Variants in ACACB observed in about 807,000 individuals in gnomAD.
The protein encoded by ACACB is acetyl-CoA carboxylase 2.
A neutral mutation model predicts 278.8 loss-of-function variants in ACACB; 209 were observed. The ratio of observed to expected loss-of-function variants is 0.75; its 90% CI spans 0.67 to 0.84. The LOEUF is 0.84. ACACB is among the 40% of genes least tolerant of loss of function. ACACB has a pLI of 0.00. For missense variants in ACACB, 2,850 were observed against 3,269.0 expected, an observed-to-expected ratio of 0.87 and a Z score of 3.13; for synonymous variants, 1,174 against 1,285.6, an observed-to-expected ratio of 0.91 and a Z score of 1.86.
At chr12:109,211,311 G>A (rs1267518248) in intron 21 of ACACB, among the ~76,000 whole-genome samples, 1 of 150,808 alleles carries the variant, frequency 6.6e-6, no homozygotes, top group Non-Finnish European at 1.5e-5. Flanking sequence ...AAATAAGCCA[G>A]GCACAAAAGA....
chr12:109,188,931 T>C (rs1005027962), intron 13 of ACACB, among the ~76,000 whole-genome samples: 1 of 152,206 alleles, frequency 6.6e-6, no homozygotes, highest in African/African-American at 2.4e-5. Flanking sequence ...CACCGAAGAC[T>C]AAATTTTAAG....
At chr12:109,187,160 G>A (rs2044690993) in intron 12 of ACACB, among the ~76,000 whole-genome samples, 1 of 151,700 alleles carries the variant, frequency 6.6e-6, no homozygotes, top group Admixed American at 6.6e-5. Flanking sequence ...GAGGGAAGGA[G>A]GAAGGAAGGA....
chr12:109,233,986 G>T lies in ACACB; in HGVS notation c.4288G>T (p.Ala1430Ser). 1.9e-6 allele frequency: 3 copies of T among 1,614,136 alleles called. No individual in the cohort carries two copies. The highest frequency in any genetic ancestry group is 1.3e-5 in the African/African-American group (1 of 75,056). The change falls in exon 31 of 53, where the codon GCA (alanine) becomes TCA (serine). Residue 1430 changes from alanine (A) to serine (S), a missense_variant. Transcript: ENST00000338432. The stretch of plus-strand genomic sequence containing the variant: ...CATTCTGAATGTGTCCATCCAGTGT[G>T]CAGACCACCTGGAGGATGAGGCACT... ...IHILNVSIQC[A>S]DHLEDEALVP...
At chr12:109,246,043 T>C in intron 38 of ACACB, 136 bp from the exon 39 acceptor site, 3 of 1,083,780 alleles carry the variant, frequency 2.8e-6, no homozygotes, top group Admixed American at 5.8e-5. Flanking sequence ...TGAGCTGTGA[T>C]TGCACCACTG....
chr12:109,227,639 A>G (rs1193911958), intron 28 of ACACB, 150 bp downstream of exon 28: 2 of 696,558 alleles, frequency 2.9e-6, no homozygotes, highest in Non-Finnish European at 4.9e-6. Context: ...AGCTCCCTGC[A>G]GCGCCATTTT....
rs746633480 is a variant in ACACB, at chr12:109,264,259, G to T, written c.6815G>T (p.Arg2272Leu). ...LGEPDLSDKDRKDLEGRLKAR... is the reference protein window; with the variant it reads ...LGEPDLSDKDLKDLEGRLKAR... ...GAACCTGATCTCTCCGACAAGGACCGAAAGGACCTGGAGGGCCGGCTAAAG... is the reference window on the plus strand; with the variant it reads ...GAACCTGATCTCTCCGACAAGGACCTAAAGGACCTGGAGGGCCGGCTAAAG... Residue 2272 changes from arginine to leucine, a missense_variant, in exon 50 of 53, where the codon CGA becomes CTA. Physicochemically the swap from Arg to Leu is moderately radical, Grantham distance 102 (BLOSUM62 -2). This residue lies in a region of ACACB where 579 missense variants were observed against 684.6 expected (regional missense o/e 0.85). Coordinates refer to ENST00000338432, the MANE Select transcript of ACACB (RefSeq NM_001093.4). 3 of 1,614,088 alleles carry T rather than the reference G, an allele frequency of 1.9e-6. No homozygotes were observed. The South Asian group carries it at 3.3e-5, about 18-fold the overall frequency.
chr12:109,154,736 AC>A, intron 2 of ACACB: 1 of 152,530 alleles, frequency 6.6e-6, no homozygotes. Flanking sequence ...CTGCAGCAGA[AC>A]CCCGCCCGCG....
chr12:109,237,449 T>G, intron 34 of ACACB, 69 bp downstream of exon 34: 2 of 1,478,004 alleles, frequency 1.4e-6, no homozygotes, highest in Admixed American at 2.0e-5. Context: ...TCCTGCTCTG[T>G]GCTGGGTCCT....
chr12:109,185,776 A>T, intron 12 of ACACB, 36 bp downstream of exon 12: 1 of 1,577,292 alleles, frequency 6.3e-7, no homozygotes, highest in Non-Finnish European at 8.6e-7. Context: ...CCACCATCTC[A>T]GATCTCCCAG....
chr12:109,113,914 T>A (rs1456604994), upstream of ACACB, among the ~76,000 whole-genome samples: 3 of 152,250 alleles, frequency 2.0e-5, no homozygotes, highest in Non-Finnish European at 4.4e-5. Context: ...TTTAGAGTCC[T>A]TCTGACACTG....
At chr12:109,167,869 C>T (rs765627578) in intron 3 of ACACB, 27 bp from the exon 4 acceptor site, 6 of 1,613,640 alleles carry the variant, frequency 3.7e-6, no homozygotes, top group East Asian at 2.2e-5. Flanking sequence ...TGTGCATCTA[C>T]AGCTCCTTCC....
At chr12:109,257,329 A>T (rs2047254368) in intron 45 of ACACB, among the ~76,000 whole-genome samples, 1 of 151,998 alleles carries the variant, frequency 6.6e-6, no homozygotes, top group African/African-American at 2.4e-5. Context: ...TAAAAAAAAA[A>T]AAATCCACTC....
At chr12:109,191,078 G>A in intron 13 of ACACB, among the ~76,000 whole-genome samples, 1 of 152,126 alleles carries the variant, frequency 6.6e-6, no homozygotes, top group Non-Finnish European at 1.5e-5. Flanking sequence ...ATGAAGTCAG[G>A]GCTATTTCCC....
intron 7 of ACACB, 46 bp from the exon 8 acceptor site, chr12:109,175,885 T>C: frequency 6.4e-7 from 1 of 1,562,460 alleles, no homozygotes; most frequent in Non-Finnish European, 8.8e-7. Context: ...GTTGTGTGTG[T>C]TTCTCCTGGA....
chr12:109,159,815 C>T (rs538677947), intron 2 of ACACB, among the ~76,000 whole-genome samples: 1 of 152,056 alleles, frequency 6.6e-6, no homozygotes, highest in East Asian at 1.9e-4. Flanking sequence ...CAGGGCTGGG[C>T]GCGGTGGCTC....
In ACACB at chr12:109,267,095, G is replaced by A. The variant is rs546153716; in HGVS notation, c.*733G>A. 5.9e-5 allele frequency: 9 copies of A among 152,072 alleles called. No individual in the cohort carries two copies. The highest frequency in any genetic ancestry group is 2.2e-4 in the African/African-American group (9 of 41,480). 9.4% of individuals were successfully genotyped at this position (152,072 alleles called of 1,614,324 possible). ...AGAGTTTCACCAGGTTGGTCAGGCT[G>A]GTCTCAAACTCTTGACTTCAGGTAA... On this transcript the variant is annotated 3_prime_UTR_variant, in exon 53 of 53. Transcript: ENST00000338432.
intron 37 of ACACB, among the ~76,000 whole-genome samples, chr12:109,244,403 T>C (rs1396414980): frequency 6.6e-6 from 1 of 152,114 alleles, no homozygotes; most frequent in African/African-American, 2.4e-5. Flanking sequence ...ATAAGAATAA[T>C]AACAGTACCT....
intron 1 of ACACB, among the ~76,000 whole-genome samples, chr12:109,124,974 A>G (rs889862574): frequency 4.6e-5 from 7 of 152,138 alleles, no homozygotes; most frequent in African/African-American, 1.7e-4. Flanking sequence ...TTGGCCTTCC[A>G]AAGAGCTGGC....
chr12:109,129,176 G>T (rs2042758256), intron 1 of ACACB, among the ~76,000 whole-genome samples: 1 of 152,170 alleles, frequency 6.6e-6, no homozygotes, highest in East Asian at 1.9e-4. Flanking sequence ...AAACAAGGTA[G>T]TGACCGTGAC....
Sources: gnomAD v4.1 joint callset for allele counts (sites outside exome capture counted in the v4.1 genomes callset) on GRCh38, gnomAD v4.1.1 for gene constraint, gnomAD v4.1.1 regional missense constraint, MANE v1.5 for transcripts, NCBI Gene and HGNC (gene_info 2026-07-23, HGNC 2026-07-21) for gene names.